Variants in MYLK4 observed in about 807,000 individuals in gnomAD.
MYLK4 encodes the protein caMLCK like.
In MYLK4, 46 loss-of-function variants were observed where a neutral mutation model predicts 48.1. The ratio of observed to expected loss-of-function variants is 0.96; its 90% CI spans 0.75 to 1.22. MYLK4 has a LOEUF of 1.22. Among genes scored for constraint, MYLK4 ranks in the 50% most tolerant of loss-of-function variants. The pLI is 0.00. For missense variants in MYLK4, 451 were observed against 486.1 expected (o/e 0.93, Z 0.68); for synonymous variants, 170 against 180.8 (o/e 0.94, Z 0.48).
the MYLK4 span, among the ~76,000 whole-genome samples, chr6:2,764,152 A>G: frequency 6.6e-6 from 1 of 152,164 alleles, no homozygotes; most frequent in Non-Finnish European, 1.5e-5. Context: ...AAAGCTCACG[A>G]TCCTCTTTTG....
chr6:2,727,382 T>C (rs1210772574), intron 2 of MYLK4, among the ~76,000 whole-genome samples: 1 of 152,214 alleles, frequency 6.6e-6, no homozygotes, highest in Non-Finnish European at 1.5e-5. Context: ...CGGAAAGAGC[T>C]GCCCAGAGCT....
chr6:2,761,408 C>G, the MYLK4 span, among the ~76,000 whole-genome samples: 1 of 152,092 alleles, frequency 6.6e-6, no homozygotes, highest in Non-Finnish European at 1.5e-5. Context: ...ATTTGATTGG[C>G]AAAGCAATCT....
intron 2 of MYLK4, among the ~76,000 whole-genome samples, chr6:2,711,884 T>C (rs1762687005): frequency 6.6e-6 from 1 of 152,162 alleles, no homozygotes; most frequent in South Asian, 2.1e-4. Flanking sequence ...ATGATAAATG[T>C]TTTTCAAAAT....
At chr6:2,703,773 C>T (rs537026565) in intron 2 of MYLK4, among the ~76,000 whole-genome samples, 6 of 141,850 alleles carry the variant, frequency 4.2e-5, no homozygotes, top group African/African-American at 1.3e-4. Context: ...GGGGTTCAAG[C>T]GATTCTCCTG....
intron 2 of MYLK4, among the ~76,000 whole-genome samples, chr6:2,715,753 T>C (rs1762843510): frequency 6.6e-6 from 1 of 152,178 alleles, no homozygotes; most frequent in African/African-American, 2.4e-5. Context: ...ATTCTTGCTG[T>C]CTCCCCATTT....
intron 2 of MYLK4, among the ~76,000 whole-genome samples, chr6:2,716,076 T>C (rs1282895112): frequency 6.6e-6 from 1 of 152,114 alleles, no homozygotes; most frequent in East Asian, 1.9e-4. Context: ...TAACAGAAAA[T>C]ACAGGAAGAA....
At chr6:2,717,211 C>T (rs575820414) in intron 2 of MYLK4, among the ~76,000 whole-genome samples, 5 of 152,314 alleles carry the variant, frequency 3.3e-5, no homozygotes, top group South Asian at 4.1e-4. Flanking sequence ...AAGTCCAGTA[C>T]GTAATTTGTG....
intron 2 of MYLK4, among the ~76,000 whole-genome samples, chr6:2,698,008 C>T (rs1328452082): frequency 6.6e-6 from 1 of 152,234 alleles, no homozygotes; most frequent in Non-Finnish European, 1.5e-5. Context: ...ATCCCTGCCA[C>T]GGTGGCTCAT....
At chr6:2,736,938 C>A (rs151213684) in intron 2 of MYLK4, among the ~76,000 whole-genome samples, 1 of 152,240 alleles carries the variant, frequency 6.6e-6, no homozygotes, top group African/African-American at 2.4e-5. Flanking sequence ...AGTAGCCATC[C>A]ATCACCTGGC....
At chr6:2,691,108 G>A (rs551813360) in intron 3 of MYLK4, among the ~76,000 whole-genome samples, 7 of 152,254 alleles carry the variant, frequency 4.6e-5, no homozygotes, top group Admixed American at 1.3e-4. Context: ...GGGATTACAG[G>A]CGTGAGCCAC....
intron 2 of MYLK4, among the ~76,000 whole-genome samples, chr6:2,698,164 G>C (rs1430667218): frequency 6.6e-6 from 1 of 152,232 alleles, no homozygotes; most frequent in African/African-American, 2.4e-5. Flanking sequence ...AAACAGGCCA[G>C]ATAGAAGAAT....
At chr6:2,725,872 C>T (rs1010381935) in intron 2 of MYLK4, among the ~76,000 whole-genome samples, 5 of 152,204 alleles carry the variant, frequency 3.3e-5, no homozygotes, top group African/African-American at 1.2e-4. Flanking sequence ...CTCACTCAGC[C>T]TTCTGTGATA....
intron 2 of MYLK4, among the ~76,000 whole-genome samples, chr6:2,710,867 C>G (rs1255552355): frequency 6.6e-6 from 1 of 152,232 alleles, no homozygotes; most frequent in Non-Finnish European, 1.5e-5. Flanking sequence ...GACTGTCTTA[C>G]AGTAGCTTAT....
chr6:2,680,189 C>G, intron 8 of MYLK4, 32 bp downstream of exon 8: 1 of 1,612,740 alleles, frequency 6.2e-7, no homozygotes, highest in South Asian at 1.1e-5. Flanking sequence ...TCCCCCAGCT[C>G]CATTCGTACA....
intron 2 of MYLK4, among the ~76,000 whole-genome samples, chr6:2,696,501 A>G (rs1390535826): frequency 6.6e-6 from 1 of 152,220 alleles, no homozygotes; most frequent in Non-Finnish European, 1.5e-5. Flanking sequence ...CTCACTCTTT[A>G]TGGGGAGAAG....
intron 7 of MYLK4, 142 bp from the exon 8 acceptor site, chr6:2,680,433 ACTTTCTC>A: frequency 6.6e-7 from 1 of 1,510,494 alleles, no homozygotes; most frequent in Non-Finnish European, 8.8e-7. Context: ...CCGTGTGGGT[ACTTTCTC>A]CTTTAATTAT....
At chr6:2,768,648 G>A in the MYLK4 span, 6 of 1,538,746 alleles carry the variant, frequency 3.9e-6, no homozygotes, top group Non-Finnish European at 3.5e-6. Flanking sequence ...GTCTCTCTGT[G>A]TCTTACCAGC....
At chr6:2,694,699 C>A (rs1278292139) in intron 2 of MYLK4, among the ~76,000 whole-genome samples, 1 of 138,170 alleles carries the variant, frequency 7.2e-6, no homozygotes, top group Non-Finnish European at 1.6e-5. Context: ...TGTGCACACA[C>A]ATTATGTACC....
chr6:2,752,898 T>C (rs957574713), upstream of MYLK4, among the ~76,000 whole-genome samples: 1 of 152,200 alleles, frequency 6.6e-6, no homozygotes, highest in Non-Finnish European at 1.5e-5. Flanking sequence ...CAGCTTCCGA[T>C]GGCATACAGG....
Sources: gnomAD v4.1 joint callset for allele counts (sites outside exome capture counted in the v4.1 genomes callset) on GRCh38, gnomAD v4.1.1 for gene constraint, MANE v1.5 for transcripts, NCBI Gene and HGNC (gene_info 2026-07-23, HGNC 2026-07-21) for gene names.